AKAP6: variants seen among roughly 807,000 people sequenced by gnomAD.
AKAP6 encodes A-kinase anchor protein 6.
In AKAP6, 58 loss-of-function variants were observed where a neutral mutation model predicts 188.5. The observed-to-expected ratio is 0.31, with a 90% CI of 0.25 to 0.38. AKAP6 has a LOEUF of 0.38. AKAP6 is among the 10% of genes least tolerant of loss of function. AKAP6 has a pLI of 1.00. For missense variants in AKAP6, 2,710 were observed against 2,740.0 expected (o/e 0.99, Z 0.24); for synonymous variants, 989 against 998.6 (o/e 0.99, Z 0.18).
At chr14:32,452,011 A>ATTTTTTTTT (rs61035125) in intron 2 of AKAP6, among the ~76,000 whole-genome samples, 2 of 66,194 alleles carry the variant, frequency 3.0e-5, no homozygotes, top group Non-Finnish European at 5.0e-5. Context: ...TTTTCTTTAC[A>ATTTTTTTTT]TTTTTTTTTT....
At chr14:32,420,115 A>T (rs1003864455) in intron 1 of AKAP6, among the ~76,000 whole-genome samples, 2 of 152,074 alleles carry the variant, frequency 1.3e-5, no homozygotes, top group African/African-American at 4.8e-5. Flanking sequence ...TATAATTCTG[A>T]GGTTTCTTAA....
chr14:32,526,791 G>C (rs1402076284), intron 2 of AKAP6, among the ~76,000 whole-genome samples: 1 of 152,176 alleles, frequency 6.6e-6, no homozygotes, highest in Non-Finnish European at 1.5e-5. Flanking sequence ...TTTTTAAATA[G>C]TATTTTTGTA....
At chr14:32,606,713 G>A (rs938021957) in intron 7 of AKAP6, among the ~76,000 whole-genome samples, 1 of 152,130 alleles carries the variant, frequency 6.6e-6, no homozygotes, top group African/African-American at 2.4e-5. Context: ...TGAACTCTAG[G>A]ATTGTGCTCA....
chr14:32,400,079 G>T (rs144334866), intron 1 of AKAP6, among the ~76,000 whole-genome samples: 3 of 152,042 alleles, frequency 2.0e-5, no homozygotes, highest in Admixed American at 2.0e-4. Flanking sequence ...TCTGCTTGGG[G>T]TTTACCTGCC....
Position 32,833,070 on chromosome 14 carries a change from C to T in AKAP6, c.*3265C>T, listed in dbSNP as rs1175081594. ...TAAATAAATAAGAATCCATGACTTCCTTCAGTGGCCCAGTCCAGTGCCTAA... is the reference window on the plus strand; with the variant it reads ...TAAATAAATAAGAATCCATGACTTCTTTCAGTGGCCCAGTCCAGTGCCTAA... On this transcript the variant is annotated 3_prime_UTR_variant, in exon 14 of 14. Coordinates refer to ENST00000280979, the MANE Select transcript of AKAP6 (RefSeq NM_004274.5). 6.6e-6 allele frequency: 1 copy of T among 152,210 alleles called. No homozygotes were observed. Among genetic ancestry groups the T allele is most frequent in the Admixed American group, 6.5e-5 (1 of 15,274 alleles). 9.4% of individuals were successfully genotyped at this position (152,210 alleles called of 1,614,324 possible).
chr14:32,504,057 C>G (rs1276847470), intron 2 of AKAP6, among the ~76,000 whole-genome samples: 5 of 151,738 alleles, frequency 3.3e-5, no homozygotes, highest in Admixed American at 1.3e-4. Flanking sequence ...GTTTTCCTAT[C>G]CAATAATATA....
intron 2 of AKAP6, among the ~76,000 whole-genome samples, chr14:32,483,209 G>A (rs1467650913): frequency 6.6e-6 from 1 of 151,990 alleles, no homozygotes; most frequent in Non-Finnish European, 1.5e-5. Context: ...TGAAAGTGAG[G>A]TTGAAAATAT....
At chr14:32,808,145 A>G (rs547633894) in intron 12 of AKAP6, among the ~76,000 whole-genome samples, 42 of 152,318 alleles carry the variant, frequency 2.8e-4, no homozygotes, top group African/African-American at 9.4e-4. Flanking sequence ...TGTCATCCCC[A>G]ATAATTAGAA....
At chr14:32,347,526 A>G (rs1887107604) in intron 1 of AKAP6, among the ~76,000 whole-genome samples, 1 of 152,238 alleles carries the variant, frequency 6.6e-6, no homozygotes, top group Admixed American at 6.5e-5. Flanking sequence ...TATCAAACCA[A>G]TTAGAATGAA....
intron 1 of AKAP6, among the ~76,000 whole-genome samples, chr14:32,348,519 A>G (rs1163300688): frequency 6.8e-6 from 1 of 148,032 alleles, no homozygotes; most frequent in Non-Finnish European, 1.5e-5. Flanking sequence ...AGTTCAAGTG[A>G]TTCTCCTGCC....
intron 12 of AKAP6, among the ~76,000 whole-genome samples, chr14:32,800,256 G>A (rs1459363331): frequency 6.7e-6 from 1 of 148,462 alleles, no homozygotes; most frequent in Admixed American, 6.7e-5. Context: ...ACAAAAATTA[G>A]CCAGGCATGG....
At chr14:32,810,069 C>T (rs541727693) in intron 12 of AKAP6, among the ~76,000 whole-genome samples, 1 of 152,290 alleles carries the variant, frequency 6.6e-6, no homozygotes, top group African/African-American at 2.4e-5. Flanking sequence ...ATTCAGCAGG[C>T]ATGGCCCAGG....
intron 2 of AKAP6, among the ~76,000 whole-genome samples, chr14:32,500,067 T>C (rs1880529971): frequency 6.6e-6 from 1 of 152,184 alleles, no homozygotes; most frequent in Non-Finnish European, 1.5e-5. Flanking sequence ...ACTCAGATTT[T>C]GATTCTTTTT....
intron 3 of AKAP6, among the ~76,000 whole-genome samples, chr14:32,537,612 A>G (rs554629906): frequency 2.4e-4 from 36 of 152,254 alleles, no homozygotes; most frequent in African/African-American, 7.9e-4. Context: ...CCAACATCCA[A>G]TGCTGGTCAG....
chr14:32,753,803 T>A (rs968847829), intron 11 of AKAP6, among the ~76,000 whole-genome samples: 2 of 152,084 alleles, frequency 1.3e-5, no homozygotes, highest in Non-Finnish European at 2.9e-5. Flanking sequence ...GTGTTCTTGC[T>A]ACCTTTGTTG....
At chr14:32,648,309 G>A (rs2139519546) in intron 7 of AKAP6, among the ~76,000 whole-genome samples, 1 of 152,212 alleles carries the variant, frequency 6.6e-6, no homozygotes, top group South Asian at 2.1e-4. Context: ...TGTCTCTCAG[G>A]TTGTGGCTTT....
chr14:32,642,429 GTA>G (rs1887798193), intron 7 of AKAP6, among the ~76,000 whole-genome samples: 1 of 152,150 alleles, frequency 6.6e-6, no homozygotes, highest in Non-Finnish European at 1.5e-5. Context: ...AAACTTTAAT[GTA>G]ATTTCATGCG....
intron 5 of AKAP6, among the ~76,000 whole-genome samples, chr14:32,591,747 T>G (rs1193375962): frequency 6.6e-6 from 1 of 152,206 alleles, no homozygotes; most frequent in Admixed American, 6.5e-5. Flanking sequence ...AGAGTTCTTT[T>G]ATTTTTTAAA....
At chr14:32,488,133 C>A (rs1171775902) in intron 2 of AKAP6, among the ~76,000 whole-genome samples, 1 of 152,242 alleles carries the variant, frequency 6.6e-6, no homozygotes, top group Non-Finnish European at 1.5e-5. Flanking sequence ...CCCACAGCTA[C>A]CCCTTCCCCC....
Sources: allele counts gnomAD v4.1 joint callset (sites outside exome capture counted in the v4.1 genomes callset), GRCh38; gene constraint gnomAD v4.1.1; transcripts MANE v1.5; gene names NCBI Gene and HGNC (gene_info 2026-07-23, HGNC 2026-07-21).